The following PTPRG variants were observed in gnomAD, a reference collection of about 807,000 sequenced individuals.
The protein encoded by PTPRG is protein tyrosine phosphatase receptor type G, also known as receptor-type tyrosine-protein phosphatase gamma.
In PTPRG, 102 loss-of-function variants were observed where a neutral mutation model predicts 165.3. The ratio of observed to expected loss-of-function variants is 0.62; its 90% CI spans 0.53 to 0.73. The LOEUF is 0.73. Ranked by LOEUF, PTPRG falls within the 30% of genes least tolerant of loss-of-function variation. The pLI, the probability that PTPRG is intolerant of heterozygous loss-of-function variation, is 0.00. For synonymous variants in PTPRG, 675 were observed against 669.5 expected, an observed-to-expected ratio of 1.01 and a Z score of -0.13; for missense variants, 1,866 against 1,861.4, an observed-to-expected ratio of 1.00 and a Z score of -0.05.
At chr3:62,040,975 G>A (rs1700109350) in intron 4 of PTPRG, among the ~76,000 whole-genome samples, 1 of 152,216 alleles carries the variant, frequency 6.6e-6, no homozygotes, top group Non-Finnish European at 1.5e-5. Flanking sequence ...CTGGGATGCA[G>A]ATGAACAGAC....
intron 5 of PTPRG, among the ~76,000 whole-genome samples, chr3:62,127,783 T>C (rs1382746597): frequency 1.3e-5 from 2 of 152,154 alleles, no homozygotes; most frequent in Non-Finnish European, 2.9e-5. Context: ...GCAGCACATA[T>C]CTGAACGCAG....
intron 5 of PTPRG, among the ~76,000 whole-genome samples, chr3:62,087,416 G>C (rs915564982): frequency 6.6e-6 from 1 of 152,118 alleles, no homozygotes; most frequent in African/African-American, 2.4e-5. Context: ...TCCTCCCCCA[G>C]ATAAATTAGT....
intron 1 of PTPRG, among the ~76,000 whole-genome samples, chr3:61,590,282 G>A (rs1338552412): frequency 6.6e-6 from 1 of 152,008 alleles, no homozygotes; most frequent in Non-Finnish European, 1.5e-5. Context: ...AGCACTTTGG[G>A]AGGCTGAGGT....
intron 4 of PTPRG, among the ~76,000 whole-genome samples, chr3:62,025,857 C>G (rs533904632): frequency 6.6e-6 from 1 of 152,268 alleles, no homozygotes; most frequent in African/African-American, 2.4e-5. Flanking sequence ...GGCTTCCTTA[C>G]GAATTGGCTT....
At chr3:61,744,537 G>T (rs1028029921) in intron 1 of PTPRG, among the ~76,000 whole-genome samples, 2 of 152,108 alleles carry the variant, frequency 1.3e-5, no homozygotes, top group African/African-American at 4.8e-5. Flanking sequence ...CACATAAAAG[G>T]TACAGTAAAA....
intron 2 of PTPRG, among the ~76,000 whole-genome samples, chr3:61,811,337 T>C (rs2035569377): frequency 6.6e-6 from 1 of 152,200 alleles, no homozygotes; most frequent in Non-Finnish European, 1.5e-5. Context: ...TCACCCAGTG[T>C]ACCCAAACAC....
intron 2 of PTPRG, among the ~76,000 whole-genome samples, chr3:61,934,139 A>G (rs1418280833): frequency 6.6e-6 from 1 of 152,232 alleles, no homozygotes; most frequent in Admixed American, 6.5e-5. Flanking sequence ...TAACAAGAAC[A>G]AAAGAAAGGT....
intron 2 of PTPRG, among the ~76,000 whole-genome samples, chr3:61,919,863 C>G (rs182256998): frequency 6.6e-6 from 1 of 152,186 alleles, no homozygotes; most frequent in Non-Finnish European, 1.5e-5. Flanking sequence ...CCTGTCCTTA[C>G]AAAAGGCGAA....
Position 62,267,424 on chromosome 3 carries a change from G to A in PTPRG, c.2671G>A (p.Val891Met). The part of the protein sequence containing the change: ...INILAYDHSR[V>M]KLRPLPGKDS... The stretch of plus-strand genomic sequence containing the variant: ...ATCTTCTATAGATGATCACAGTAGG[G>A]TGAAGTTAAGACCTTTACCAGGAAA... Residue 891 changes from valine (V) to methionine (M), a missense_variant, in exon 18 of 30, where the codon GTG becomes ATG. By Grantham distance (21) the Val-to-Met change is conservative. Around this residue, in one of 3 missense-constraint regions of PTPRG, gnomAD observed 1,452 missense variants for 1,463.0 expected, o/e 0.99. Coordinates refer to ENST00000474889, the MANE Select transcript of PTPRG (RefSeq NM_002841.4). The A allele has an allele frequency of 1.2e-6, 2 of 1,607,680 alleles. No individual in the cohort carries two copies. Among genetic ancestry groups the A allele is most frequent in the Non-Finnish European group, 1.7e-6 (2 of 1,175,344 alleles).
At chr3:62,114,027 G>A (rs1702767170) in intron 5 of PTPRG, among the ~76,000 whole-genome samples, 2 of 152,172 alleles carry the variant, frequency 1.3e-5, no homozygotes, top group South Asian at 4.1e-4. Flanking sequence ...GACCGGGTGT[G>A]GTGGCTCGCA....
At chr3:62,084,966 A>C (rs1033047644) in intron 5 of PTPRG, among the ~76,000 whole-genome samples, 4 of 152,204 alleles carry the variant, frequency 2.6e-5, no homozygotes, top group African/African-American at 9.6e-5. Context: ...TAGATTGGAA[A>C]GGGACAGCCT....
intron 8 of PTPRG, among the ~76,000 whole-genome samples, 178 bp from the exon 9 acceptor site, chr3:62,191,285 AGAGAGG>A (rs144720006): frequency 0.079 from 11,932 of 151,896 alleles, 770 homozygotes; most frequent in East Asian, 0.34. Context: ...TGTGTGTGAG[AGAGAGG>A]GAGAACAATG....
rs1185879757 is a variant in PTPRG at position 62,213,659 on chromosome 3, C to T, written c.2156-5192C>T. Among the ~76,000 whole-genome samples the T allele has an allele frequency of 3.9e-5, 6 of 152,070 alleles. No individual in the cohort carries two copies. In the East Asian group the frequency reaches 1.2e-3, roughly 29 times the overall value. On this transcript the variant is annotated intron_variant, in intron 12 of 29. Coordinates refer to ENST00000474889, the MANE Select transcript of PTPRG (RefSeq NM_002841.4). The surrounding 1 kb of genome is among the most constrained non-coding windows in gnomAD (Gnocchi z 4.4). ...GCCTGAGTCTGGGGTGCAGAATTGC[C>T]CATCTTGTGGCACGCTGCAGCTGTT...
chr3:62,087,390 C>T lies in PTPRG; in HGVS notation c.615+9132C>T, dbSNP rs563065739. Among the ~76,000 whole-genome samples the T allele has an allele frequency of 2.6e-5, 4 of 152,290 alleles. No individual in the cohort carries two copies. The East Asian group carries it at 5.8e-4, about 22-fold the overall frequency. On this transcript the variant is annotated intron_variant, in intron 5 of 29. Coordinates refer to ENST00000474889, the MANE Select transcript of PTPRG (RefSeq NM_002841.4). Reference sequence around the variant, plus strand: ...ACATAAAGCACTTTATATTCACAACCGTTCTTACCTCTCTTTCCTCCCCCA... The same window carrying T: ...ACATAAAGCACTTTATATTCACAACTGTTCTTACCTCTCTTTCCTCCCCCA...
At chr3:61,753,432 TG>T (rs1367759765) in intron 2 of PTPRG, among the ~76,000 whole-genome samples, 7 of 152,304 alleles carry the variant, frequency 4.6e-5, no homozygotes, top group African/African-American at 1.7e-4. Context: ...CTGTCTTTCT[TG>T]AGGTGATGGT....
At chr3:62,010,248 C>T (rs574231311) in intron 4 of PTPRG, among the ~76,000 whole-genome samples, 45 of 152,214 alleles carry the variant, frequency 3.0e-4, no homozygotes, top group Admixed American at 4.6e-4. Flanking sequence ...GAAATACTTT[C>T]TTGAAGATTT....
Position 61,561,996 on chromosome 3 carries a change from A to G in PTPRG, c.-292A>G. ...CCCGGGGCATCGCCGCCGGCCGCCG[A>G]CTCCGCGCCCTGCCCGATCGGCTCT... On this transcript the variant is annotated 5_prime_UTR_variant, in exon 1 of 30. Coordinates refer to ENST00000474889, the MANE Select transcript of PTPRG (RefSeq NM_002841.4). 3.8e-6 allele frequency: 1 copy of G among 261,996 alleles called. No homozygotes were observed. 16.2% of individuals were successfully genotyped at this position (261,996 alleles called of 1,614,324 possible). A position where few individuals can be genotyped will look rare whatever the true frequency, so the allele number is the denominator to read the frequency against.
At chr3:61,695,353 T>G (rs1016894300) in intron 1 of PTPRG, among the ~76,000 whole-genome samples, 7 of 152,182 alleles carry the variant, frequency 4.6e-5, no homozygotes, top group Admixed American at 3.9e-4. Context: ...TTTCAAAATT[T>G]GGAAATAGGA....
intron 5 of PTPRG, among the ~76,000 whole-genome samples, chr3:62,082,016 G>C (rs915281532): frequency 6.6e-6 from 1 of 152,130 alleles, no homozygotes. Context: ...CGGCCAAAAA[G>C]AGTTGAACTC....
Sources: allele counts gnomAD v4.1 joint callset (sites outside exome capture counted in the v4.1 genomes callset), GRCh38; gene constraint gnomAD v4.1.1; regional missense constraint gnomAD v4.1.1; non-coding constraint Gnocchi (gnomAD v3.1); transcripts MANE v1.5; gene names NCBI Gene and HGNC (gene_info 2026-07-23, HGNC 2026-07-21).